Variants in MTSS1 observed in about 807,000 individuals in gnomAD.
MTSS1 encodes the protein protein MTSS 1.
A neutral mutation model predicts 79.0 loss-of-function variants in MTSS1; 18 were observed. That is an observed-to-expected ratio of 0.23 (90% CI 0.16 to 0.34). The LOEUF is 0.34. Ranked by LOEUF, MTSS1 falls within the 10% of genes least tolerant of loss-of-function variation. MTSS1 has a pLI of 1.00. For missense variants in MTSS1, 815 were observed against 986.2 expected, an observed-to-expected ratio of 0.83 and a Z score of 2.33; for synonymous variants, 341 against 368.6, an observed-to-expected ratio of 0.93 and a Z score of 0.86.
intron 3 of MTSS1, among the ~76,000 whole-genome samples, chr8:124,686,269 G>A (rs559079370): frequency 2.4e-4 from 37 of 152,158 alleles, no homozygotes; most frequent in Middle Eastern, 6.8e-3. Context: ...AGCGCAACAC[G>A]AACGGGAACT....
Position 124,597,749 on chromosome 8 carries a change from G to A in MTSS1, c.209-6514C>T, listed in dbSNP as rs1333257960. Among the ~76,000 whole-genome samples, 1 of 152,226 alleles carries A rather than the reference G, an allele frequency of 6.6e-6. No homozygotes were observed. Among genetic ancestry groups the A allele is most frequent in the African/African-American group, 2.4e-5 (1 of 41,456 alleles). The stretch of plus-strand genomic sequence containing the variant: ...GCTGAGGAAGCCAGACTGAAGAACT[G>A]CTTTGGTGAAAGTGTGCCGCCGTCA... On this transcript the variant is annotated intron_variant, in intron 3 of 13. Coordinates refer to ENST00000518547, the MANE Select transcript of MTSS1 (RefSeq NM_014751.6). The surrounding 1 kb of genome is among the most constrained non-coding windows in gnomAD (Gnocchi z 4.6).
At chr8:124,663,205 T>G (rs1442864722) in intron 3 of MTSS1, among the ~76,000 whole-genome samples, 1 of 152,150 alleles carries the variant, frequency 6.6e-6, no homozygotes. Context: ...ACACTCCCTT[T>G]CGGGCTGTAA....
chr8:124,631,657 C>G (rs1037966641), intron 3 of MTSS1, among the ~76,000 whole-genome samples: 1 of 152,236 alleles, frequency 6.6e-6, no homozygotes, highest in Non-Finnish European at 1.5e-5. Context: ...CCCAAAGCCA[C>G]CATTCAGGTT....
intron 7 of MTSS1, chr8:124,568,066 C>A: frequency 1.1e-6 from 1 of 924,748 alleles, no homozygotes; most frequent in Non-Finnish European, 1.5e-6. Context: ...CTGGGTTGGG[C>A]CCAAGAACTT....
At chr8:124,584,785 AT>A (rs1385840205) in intron 6 of MTSS1, among the ~76,000 whole-genome samples, 14 of 152,254 alleles carry the variant, frequency 9.2e-5, no homozygotes, top group Non-Finnish European at 1.8e-4. Flanking sequence ...GCCTTTCTGC[AT>A]TATCCCAAGG....
intron 1 of MTSS1, among the ~76,000 whole-genome samples, chr8:124,711,732 C>A (rs552339428): frequency 6.6e-6 from 1 of 152,222 alleles, no homozygotes; most frequent in South Asian, 2.1e-4. Context: ...CGAGGCTGGG[C>A]GCAGTGCCTC....
intron 10 of MTSS1, among the ~76,000 whole-genome samples, chr8:124,560,472 G>C (rs1433733712): frequency 6.6e-6 from 1 of 152,188 alleles, no homozygotes; most frequent in Non-Finnish European, 1.5e-5. Flanking sequence ...CAGTATGCAA[G>C]GCACATGTAT....
At chr8:124,558,907 A>T (rs185243548) in intron 10 of MTSS1, 6 of 1,462,200 alleles carry the variant, frequency 4.1e-6, no homozygotes, top group Admixed American at 4.5e-5. Context: ...AATAAATAAA[A>T]AAAGGAATGG....
At chr8:124,556,154 C>A (rs1397890187) in intron 12 of MTSS1, 78 bp downstream of exon 12, 1 of 1,601,422 alleles carries the variant, frequency 6.2e-7, no homozygotes, top group Non-Finnish European at 8.5e-7. Context: ...CTGCCTTGGC[C>A]CCCCAGTTGC....
At position 124,567,191 on chromosome 8, in the gene MTSS1, T is replaced by C. The variant is rs769717254; in HGVS notation, c.619-13A>G. 16 of 1,566,890 alleles carry C rather than the reference T, an allele frequency of 1.0e-5. No individual in the cohort carries two copies. The highest frequency in any genetic ancestry group is 1.4e-5 in the Non-Finnish European group (16 of 1,137,188). ...AGATTTCTTCTTCCTGAAGGAAAAG[T>C]CATTCATGAAATGTTATTATCATGA... is the stretch of plus-strand genomic sequence containing the variant. On this transcript the variant is annotated splice_polypyrimidine_tract_variant and intron_variant, in intron 7 of 13. Transcript: ENST00000518547.
rs953363140 is a variant in MTSS1, at chr8:124,690,399, C to T, written c.208+9127G>A. On this transcript the variant is annotated intron_variant, in intron 3 of 13. Transcript: ENST00000518547. ...TGGAATTCTGATATCCCTCACTGTC[C>T]CTGCTGGAGGATTATAGAATTCTGG... Among the ~76,000 whole-genome samples, 64 of 152,144 alleles carry T rather than the reference C, an allele frequency of 4.2e-4. 1 individual carries two copies. Among genetic ancestry groups the T allele is most frequent in the Admixed American group, 9.8e-4 (15 of 15,284 alleles).
At chr8:124,561,162 TG>T (rs1825212311) in intron 10 of MTSS1, among the ~76,000 whole-genome samples, 1 of 152,202 alleles carries the variant, frequency 6.6e-6, no homozygotes, top group Non-Finnish European at 1.5e-5. Context: ...CCGGGCGCGG[TG>T]GCTCATGCCT....
chr8:124,715,610 G>A (rs1394075466), intron 1 of MTSS1, among the ~76,000 whole-genome samples: 5 of 152,156 alleles, frequency 3.3e-5, no homozygotes, highest in African/African-American at 9.7e-5. Context: ...TGCTAGGAAC[G>A]ATGCCCTGGT....
chr8:124,693,045 A>G (rs1314274488), intron 3 of MTSS1, among the ~76,000 whole-genome samples: 3 of 152,058 alleles, frequency 2.0e-5, no homozygotes, highest in African/African-American at 7.2e-5. Context: ...GAGGGAAGAC[A>G]AAGGTCTCAC....
Position 124,722,672 on chromosome 8 carries a change from G to A in MTSS1, c.72+5212C>T, listed in dbSNP as rs541827498. Among the ~76,000 whole-genome samples, 416 of 152,180 alleles carry A rather than the reference G, an allele frequency of 2.7e-3. 3 individuals carry two copies. The highest frequency in any genetic ancestry group is 9.4e-3 in the African/African-American group (391 of 41,492). ...TGCTATCTCCAAATCTGAGTTAAAC[G>A]GCTCACAGCATCAGTTAGTTCCCTT... On this transcript the variant is annotated intron_variant, in intron 1 of 13. Transcript: ENST00000518547.
At position 124,555,841 on chromosome 8, in the gene MTSS1, C is replaced by T. The variant is rs1823560298; in HGVS notation, c.1468G>A (p.Asp490Asn). The stretch of plus-strand genomic sequence containing the variant: ...GAGTCCCGGCTGCTCCTCTGGGTGT[C>T]CAGCTGCAGGCCCCGAGACAGGGCC... ...ALALSRGLQLDTQRSSRDSLQ... is the reference protein window; with the variant it reads ...ALALSRGLQLNTQRSSRDSLQ... Residue 490 changes from aspartate to asparagine, a missense_variant, in exon 13 of 14, where the codon GAC becomes AAC. Around this residue, in one of 2 missense-constraint regions of MTSS1, gnomAD observed 590 missense variants for 620.8 expected, o/e 0.95. Transcript: ENST00000518547. 1 of 1,613,240 alleles carries T rather than the reference C, an allele frequency of 6.2e-7. No homozygotes were observed. The highest frequency in any genetic ancestry group is 1.3e-5 in the African/African-American group (1 of 74,948).
rs1271978542 is a variant in MTSS1, at chr8:124,597,038, T to C, written c.209-5803A>G. Among the ~76,000 whole-genome samples the C allele has an allele frequency of 6.6e-6, 1 of 152,074 alleles. No individual in the cohort carries two copies. The highest frequency in any genetic ancestry group is 1.5e-5 in the Non-Finnish European group (1 of 68,020). On this transcript the variant is annotated intron_variant, in intron 3 of 13. Transcript: ENST00000518547. The surrounding 1 kb of genome is among the most constrained non-coding windows in gnomAD (Gnocchi z 4.6). The stretch of plus-strand genomic sequence containing the variant: ...CCAGGGATTAGGACATCAACCTATC[T>C]TTCTGGGGGTGCGCCGCAGTCCACG...
chr8:124,704,086 T>G, intron 2 of MTSS1, 44 bp downstream of exon 2: 11 of 1,558,874 alleles, frequency 7.1e-6, no homozygotes, highest in Non-Finnish European at 8.0e-6. Context: ...CATCCTTGTC[T>G]GAGGATGTTG....
intron 2 of MTSS1, 140 bp from the exon 3 acceptor site, chr8:124,699,739 G>C: frequency 1.3e-6 from 1 of 752,346 alleles, no homozygotes; most frequent in Non-Finnish European, 2.2e-6. Flanking sequence ...GACAACCACT[G>C]TCTTGCTGAA....
Sources: allele counts gnomAD v4.1 joint callset (sites outside exome capture counted in the v4.1 genomes callset), GRCh38; gene constraint gnomAD v4.1.1; regional missense constraint gnomAD v4.1.1; non-coding constraint Gnocchi (gnomAD v3.1); transcripts MANE v1.5; gene names NCBI Gene and HGNC (gene_info 2026-07-23, HGNC 2026-07-21).